VAV3: variants seen among roughly 807,000 people sequenced by gnomAD.
The protein encoded by VAV3 is vav guanine nucleotide exchange factor 3.
In VAV3, 94 loss-of-function variants were observed where a neutral mutation model predicts 131.2. The observed-to-expected ratio is 0.72, with a 90% CI of 0.61 to 0.85. The LOEUF (loss-of-function observed/expected upper bound fraction) is 0.85. Among genes scored for constraint, VAV3 ranks in the 40% least tolerant of loss-of-function variants. VAV3 has a pLI of 0.00. For missense variants in VAV3, 939 were observed against 1,002.7 expected, an observed-to-expected ratio of 0.94 and a Z score of 0.86; for synonymous variants, 349 against 342.0, an observed-to-expected ratio of 1.02 and a Z score of -0.22.
intron 1 of VAV3, among the ~76,000 whole-genome samples, chr1:107,893,384 A>C (rs1363103322): frequency 6.6e-6 from 1 of 152,152 alleles, no homozygotes; most frequent in African/African-American, 2.4e-5. Flanking sequence ...CTTAAAAGTA[A>C]TCTACTTTTA....
chr1:107,861,053 A>G (rs889565468), intron 2 of VAV3, among the ~76,000 whole-genome samples: 1 of 151,722 alleles, frequency 6.6e-6, no homozygotes, highest in South Asian at 2.1e-4. Flanking sequence ...TTCATTATCC[A>G]TAACTGGATC....
intron 3 of VAV3, among the ~76,000 whole-genome samples, chr1:107,779,095 TATAA>T (rs1665535913): frequency 6.6e-6 from 1 of 152,106 alleles, no homozygotes; most frequent in African/African-American, 2.4e-5. Flanking sequence ...TACAACATCT[TATAA>T]ATATTTATTT....
intron 15 of VAV3, among the ~76,000 whole-genome samples, chr1:107,724,405 G>A (rs1661702703): frequency 2.0e-5 from 3 of 151,696 alleles, no homozygotes; most frequent in Admixed American, 2.0e-4. Flanking sequence ...CTATTATTCA[G>A]CTGCTTCAGA....
At chr1:107,682,131 T>C (rs1457618385) in intron 19 of VAV3, among the ~76,000 whole-genome samples, 1 of 152,206 alleles carries the variant, frequency 6.6e-6, no homozygotes, top group East Asian at 1.9e-4. Flanking sequence ...TGTTCTACTT[T>C]GCCATATTTC....
intron 19 of VAV3, among the ~76,000 whole-genome samples, chr1:107,679,831 AGT>A (rs1658478289): frequency 1.3e-5 from 2 of 152,316 alleles, no homozygotes; most frequent in South Asian, 4.1e-4. Flanking sequence ...GTCTGTTACA[AGT>A]GTTATTTTCC....
chr1:107,943,180 C>T (rs1409576544), intron 1 of VAV3, among the ~76,000 whole-genome samples: 1 of 151,714 alleles, frequency 6.6e-6, no homozygotes, highest in East Asian at 1.9e-4. Flanking sequence ...ATCTTTTTTT[C>T]CTTTTTATTT....
intron 15 of VAV3, among the ~76,000 whole-genome samples, chr1:107,741,537 G>T (rs953006196): frequency 2.0e-5 from 3 of 152,190 alleles, no homozygotes; most frequent in Non-Finnish European, 4.4e-5. Flanking sequence ...GCCCCACTGT[G>T]ACGCCTGTTG....
chr1:107,792,382 A>T (rs1249844761), intron 2 of VAV3, among the ~76,000 whole-genome samples: 1 of 152,206 alleles, frequency 6.6e-6, no homozygotes, highest in Admixed American at 6.5e-5. Context: ...TCGGTGGCAC[A>T]CTGCAGCCTC....
chr1:107,965,086 G>C lies in VAV3; in HGVS notation c.-217C>G, dbSNP rs1224572243. 6.2e-6 allele frequency: 1 copy of C among 161,302 alleles called. No individual in the cohort carries two copies. The highest frequency in any genetic ancestry group is 2.4e-5 in the African/African-American group (1 of 41,150). The allele number at this position is 161,302 out of a possible 1,614,324, so 10.0% of individuals were successfully genotyped here. A position where few individuals can be genotyped will look rare whatever the true frequency, so the allele number is the denominator to read the frequency against. Reference sequence around the variant, plus strand: ...CCGGGTGCGCCGCGACCCGGCCGCCGCTGCAGCGAGTCCCGCGCGCTCTCC... The same window carrying C: ...CCGGGTGCGCCGCGACCCGGCCGCCCCTGCAGCGAGTCCCGCGCGCTCTCC... On this transcript the variant is annotated 5_prime_UTR_variant, in exon 1 of 27. Coordinates refer to ENST00000370056, the MANE Select transcript of VAV3 (RefSeq NM_006113.5).
chr1:107,733,612 G>A lies in VAV3; in HGVS notation c.1502+15356C>T, dbSNP rs187687166. ...GACTCATACACAAGCTTCGGTAGCC[G>A]ATTCAATCAAGTGGAAGAAAGGGTA... On this transcript the variant is annotated intron_variant, in intron 15 of 26. Coordinates refer to ENST00000370056, the MANE Select transcript of VAV3 (RefSeq NM_006113.5). Among the ~76,000 whole-genome samples the A allele has an allele frequency of 3.0e-4, 45 of 152,228 alleles. 1 individual carries two copies. In the South Asian group the frequency reaches 7.5e-3, roughly 25 times the overall value.
intron 20 of VAV3, among the ~76,000 whole-genome samples, chr1:107,639,784 A>G (rs919626401): frequency 6.6e-6 from 1 of 152,056 alleles, no homozygotes; most frequent in Non-Finnish European, 1.5e-5. Context: ...TCTCTAAAAA[A>G]TTAGCCAGGC....
intron 19 of VAV3, among the ~76,000 whole-genome samples, chr1:107,673,408 G>C (rs1299625841): frequency 1.3e-5 from 2 of 152,076 alleles, no homozygotes; most frequent in Non-Finnish European, 2.9e-5. Flanking sequence ...CTCCAACTCA[G>C]GGCCTTTCTT....
At chr1:107,658,284 T>C (rs1243007372) in intron 19 of VAV3, among the ~76,000 whole-genome samples, 1 of 152,232 alleles carries the variant, frequency 6.6e-6, no homozygotes, top group African/African-American at 2.4e-5. Flanking sequence ...GAACTCATCA[T>C]TCCTTATGGC....
intron 2 of VAV3, among the ~76,000 whole-genome samples, chr1:107,821,225 T>C (rs1042371462): frequency 1.3e-5 from 2 of 152,230 alleles, no homozygotes; most frequent in Non-Finnish European, 2.9e-5. Context: ...ATAAATGTTA[T>C]AGCATGTGTA....
intron 1 of VAV3, among the ~76,000 whole-genome samples, chr1:107,924,056 T>C (rs151060826): frequency 6.6e-6 from 1 of 152,250 alleles, no homozygotes; most frequent in East Asian, 1.9e-4. Context: ...AGTACTGTTT[T>C]GGACTTTTCA....
intron 21 of VAV3, among the ~76,000 whole-genome samples, chr1:107,616,381 A>G (rs1006178494): frequency 6.6e-6 from 1 of 152,170 alleles, no homozygotes. Flanking sequence ...GTGAAAGTTA[A>G]AATTGAGTAT....
At chr1:107,614,721 T>C (rs1390019909) in intron 21 of VAV3, among the ~76,000 whole-genome samples, 1 of 152,176 alleles carries the variant, frequency 6.6e-6, no homozygotes, top group Non-Finnish European at 1.5e-5. Flanking sequence ...AGCTAGGGAC[T>C]TGCATTTGCT....
intron 1 of VAV3, among the ~76,000 whole-genome samples, chr1:107,929,097 C>T (rs1048593549): frequency 2.6e-5 from 4 of 151,846 alleles, no homozygotes; most frequent in Non-Finnish European, 5.9e-5. Flanking sequence ...GAGGGAGTGA[C>T]ATGACATATT....
chr1:107,927,654 G>A (rs1036577173), intron 1 of VAV3, among the ~76,000 whole-genome samples: 3 of 152,074 alleles, frequency 2.0e-5, no homozygotes, highest in South Asian at 2.1e-4. Context: ...AGTACTCCCT[G>A]TGGGCCTGTG....
Sources: gnomAD v4.1 joint callset for allele counts (sites outside exome capture counted in the v4.1 genomes callset) on GRCh38, gnomAD v4.1.1 for gene constraint, MANE v1.5 for transcripts, NCBI Gene and HGNC (gene_info 2026-07-23, HGNC 2026-07-21) for gene names.